TRPM4: variants seen among roughly 807,000 people sequenced by gnomAD.
TRPM4 encodes transient receptor potential cation channel subfamily M member 4, also known as calcium-activated non-selective cation channel 1.
Under a neutral mutation model 135.6 loss-of-function variants are expected in TRPM4, and 124 were observed. The observed-to-expected ratio is 0.91, with a 90% CI of 0.79 to 1.06. The LOEUF is 1.06. Among genes scored for constraint, TRPM4 ranks in the 50% least tolerant of loss-of-function variants. The probability of loss-of-function intolerance (pLI) is 0.00; values close to 1 mark genes in which losing one functional copy is unlikely to be tolerated. For missense variants in TRPM4, 1,658 were observed against 1,671.4 expected (o/e 0.99, Z 0.14); for synonymous variants, 745 against 705.6 (o/e 1.06, Z -0.88).
chr19:49,206,046 C>G (rs998645727), intron 20 of TRPM4, among the ~76,000 whole-genome samples: 1 of 152,110 alleles, frequency 6.6e-6, no homozygotes. Flanking sequence ...CTGCAACATC[C>G]GCATCCTGGA....
chr19:49,210,489 G>T lies in TRPM4; in HGVS notation c.3328+84G>T, dbSNP rs1000323519. 2.0e-6 allele frequency: 3 copies of T among 1,532,940 alleles called. No individual in the cohort carries two copies. The highest frequency in any genetic ancestry group is 2.7e-6 in the Non-Finnish European group (3 of 1,124,174). 95.0% of individuals were successfully genotyped at this position (1,532,940 alleles called of 1,614,324 possible). A position where few individuals can be genotyped will look rare whatever the true frequency, so the allele number is the denominator to read the frequency against. On this transcript the variant is annotated intron_variant, in intron 21 of 24. Transcript: ENST00000252826. This position sits in a 1 kb window ranked among gnomAD's most constrained non-coding sequence, Gnocchi z 4.1. Reference sequence around the variant, plus strand: ...GAGGGGAAGGGGGCATGCCCCAAATGACTAACGGGCGTGGCTTAGGTAGCG... The same window carrying T: ...GAGGGGAAGGGGGCATGCCCCAAATTACTAACGGGCGTGGCTTAGGTAGCG...
intron 20 of TRPM4, among the ~76,000 whole-genome samples, chr19:49,206,554 C>G (rs1969161408): frequency 6.6e-6 from 1 of 151,950 alleles, no homozygotes; most frequent in African/African-American, 2.4e-5. Context: ...ATTCTCCTGC[C>G]TCAGCCTCCT....
Position 49,210,160 on chromosome 19 carries a change from C to A in TRPM4, c.3132-49C>A. 1.3e-6 allele frequency: 2 copies of A among 1,599,480 alleles called. No individual in the cohort carries two copies. Among genetic ancestry groups the A allele is most frequent in the Non-Finnish European group, 1.7e-6 (2 of 1,166,556 alleles). Reference sequence around the variant, plus strand: ...CTGGCATCTAACCTTCGTCCTTGCCCCTGGCTGGGCCCTGACCTCAAGTGA... The same window carrying A: ...CTGGCATCTAACCTTCGTCCTTGCCACTGGCTGGGCCCTGACCTCAAGTGA... On this transcript the variant is annotated intron_variant, in intron 20 of 24. Coordinates refer to ENST00000252826, the MANE Select transcript of TRPM4 (RefSeq NM_017636.4). This position sits in a 1 kb window ranked among gnomAD's most constrained non-coding sequence, Gnocchi z 4.1.
chr19:49,158,022 G>A, intron 1 of TRPM4, 132 bp downstream of exon 1: 1 of 1,301,416 alleles, frequency 7.7e-7, no homozygotes, highest in Non-Finnish European at 1.1e-6. Context: ...CCAGGTTCCA[G>A]GGTCCAGGGC....
At chr19:49,175,506 G>C (rs1411284963) in intron 9 of TRPM4, among the ~76,000 whole-genome samples, 1 of 151,872 alleles carries the variant, frequency 6.6e-6, no homozygotes, top group South Asian at 2.1e-4. Flanking sequence ...ATTGTGCTTA[G>C]GCCAGAAGAA....
rs1283438108 is a variant in TRPM4, at chr19:49,210,534, C to G, written c.3328+129C>G. 1 of 1,423,224 alleles carries G rather than the reference C, an allele frequency of 7.0e-7. No homozygotes were observed. Among genetic ancestry groups the G allele is most frequent in the African/African-American group, 1.4e-5 (1 of 71,230 alleles). 88.2% of individuals were successfully genotyped at this position (1,423,224 alleles called of 1,614,324 possible). ...GTAGCGAGGGGCGGGGTTTAAGCAA[C>G]AAGGGGCGGAGCTTAAGCACTGAGG... On this transcript the variant is annotated intron_variant, in intron 21 of 24. Coordinates refer to ENST00000252826, the MANE Select transcript of TRPM4 (RefSeq NM_017636.4). The surrounding 1 kb of genome is among the most constrained non-coding windows in gnomAD (Gnocchi z 4.1).
intron 2 of TRPM4, among the ~76,000 whole-genome samples, chr19:49,164,227 TTCTC>T (rs531520985): frequency 1.2e-3 from 173 of 149,644 alleles, no homozygotes; most frequent in Non-Finnish European, 2.0e-3. Flanking sequence ...TTCTTTTCTT[TTCTC>T]TCTCTCTTTC....
At position 49,171,419 on chromosome 19, in the gene TRPM4, G is replaced by A; in HGVS notation, c.858+1G>A. ...TGATGGTGATGAGAAGATGTTGACG[G>A]TATAGGGGCCCGGATGCCCGGATCT... On this transcript the variant is annotated splice_donor_variant, in intron 7 of 24. Coordinates refer to ENST00000252826, the MANE Select transcript of TRPM4 (RefSeq NM_017636.4). LOFTEE classifies it high-confidence loss of function. The surrounding 1 kb of genome is among the most constrained non-coding windows in gnomAD (Gnocchi z 4.7). 1 of 1,614,090 alleles carries A rather than the reference G, an allele frequency of 6.2e-7. No individual in the cohort carries two copies. The highest frequency in any genetic ancestry group is 1.3e-5 in the African/African-American group (1 of 75,012).
intron 16 of TRPM4, 152 bp downstream of exon 16, chr19:49,190,925 G>A: frequency 1.5e-6 from 1 of 658,548 alleles, no homozygotes; most frequent in South Asian, 2.1e-5. Context: ...GGTTTCATTG[G>A]CTCATGGTTC....
At chr19:49,195,011 C>T (rs1013201687) in intron 16 of TRPM4, among the ~76,000 whole-genome samples, 1 of 151,728 alleles carries the variant, frequency 6.6e-6, no homozygotes, top group Non-Finnish European at 1.5e-5. Flanking sequence ...ATCTGCTCAC[C>T]TTGGCCTCCC....
intron 16 of TRPM4, among the ~76,000 whole-genome samples, chr19:49,195,196 T>C (rs1968585754): frequency 1.3e-5 from 2 of 152,186 alleles, no homozygotes; most frequent in Admixed American, 6.5e-5. Context: ...TTTCCACAAT[T>C]CATTTTCAAA....
Position 49,171,916 on chromosome 19 carries a change from G to C in TRPM4, c.1051-93G>C. ...CTGGGCATATAGACTATTAGGTCCT[G>C]GAGGGGAATGGCCTCCTCCATCCCT... On this transcript the variant is annotated intron_variant, in intron 8 of 24. Coordinates refer to ENST00000252826, the MANE Select transcript of TRPM4 (RefSeq NM_017636.4). The surrounding 1 kb of genome is among the most constrained non-coding windows in gnomAD (Gnocchi z 4.7). 1 of 1,375,242 alleles carries C rather than the reference G, an allele frequency of 7.3e-7. No individual in the cohort carries two copies. The highest frequency in any genetic ancestry group is 2.2e-4 in the Middle Eastern group (1 of 4,580). The allele number at this position is 1,375,242 out of a possible 1,614,324, so 85.2% of individuals were successfully genotyped here. A position where few individuals can be genotyped will look rare whatever the true frequency, so the allele number is the denominator to read the frequency against.
At chr19:49,169,760 T>A (rs1183541906) in intron 6 of TRPM4, among the ~76,000 whole-genome samples, 1 of 151,476 alleles carries the variant, frequency 6.6e-6, no homozygotes, top group African/African-American at 2.4e-5. Flanking sequence ...GGTTTTGCCA[T>A]GCAGCCCAGG....
chr19:49,168,021 A>T lies in TRPM4; in HGVS notation c.372A>T (p.Gly124=), dbSNP rs754647134. Residue 124 remains glycine, a synonymous_variant, in exon 4 of 25, where the codon GGA becomes GGT. Transcript: ENST00000252826. ...APNLVVSVLG[G]SGGPVLQTWL... The stretch of plus-strand genomic sequence containing the variant: ...ACCTGGTGGTGTCAGTGCTGGGGGG[A>T]TCGGGGGGCCCCGTCCTCCAGACCT... 3 of 1,613,248 alleles carry T rather than the reference A, an allele frequency of 1.9e-6. No homozygotes were observed.
In TRPM4 at chr19:49,209,873, C is replaced by G. The variant is rs3786559; in HGVS notation, c.3132-336C>G. On this transcript the variant is annotated intron_variant, in intron 20 of 24. Transcript: ENST00000252826. ...AAGCGATTCTCCTGCCTCAGCCTCC[C>G]CAGTAGCTGGGATTACAGGTGCCCA... is the stretch of plus-strand genomic sequence containing the variant. Among the ~76,000 whole-genome samples, 31 of 151,946 alleles carry G rather than the reference C, an allele frequency of 2.0e-4. 1 individual carries two copies. In the East Asian group the frequency reaches 5.0e-3, roughly 25 times the overall value.
chr19:49,166,926 CCGTCCCTG>C (rs1967213916), intron 3 of TRPM4, among the ~76,000 whole-genome samples: 1 of 148,760 alleles, frequency 6.7e-6, no homozygotes, highest in Non-Finnish European at 1.5e-5. Context: ...CTCCGGGTCT[CCGTCCCTG>C]TCTCTCCGGG....
At chr19:49,184,681 G>A (rs1379336950) in intron 12 of TRPM4, among the ~76,000 whole-genome samples, 2 of 151,490 alleles carry the variant, frequency 1.3e-5, no homozygotes, top group Admixed American at 6.6e-5. Context: ...GGGTTTCACT[G>A]TGTTAGCCAG....
intron 9 of TRPM4, among the ~76,000 whole-genome samples, chr19:49,175,521 AC>A (rs1483023889): frequency 6.7e-6 from 1 of 149,862 alleles, no homozygotes; most frequent in Non-Finnish European, 1.5e-5. Context: ...GAAGAATTTT[AC>A]GGGGGAAATA....
chr19:49,181,503 G>T, intron 10 of TRPM4, 42 bp downstream of exon 10: 1 of 1,353,938 alleles, frequency 7.4e-7, no homozygotes, highest in South Asian at 1.2e-5. Flanking sequence ...CTGACAAAGG[G>T]ACTGTGCTGT....
Sources: allele counts gnomAD v4.1 joint callset (sites outside exome capture counted in the v4.1 genomes callset), GRCh38; gene constraint gnomAD v4.1.1; non-coding constraint Gnocchi (gnomAD v3.1); transcripts MANE v1.5; gene names NCBI Gene and HGNC (gene_info 2026-07-23, HGNC 2026-07-21).